The following THSD7B variants were observed in gnomAD, a reference collection of about 807,000 sequenced individuals.
THSD7B encodes thrombospondin type 1 domain containing 7B, also known as thrombospondin type-1 domain-containing protein 7B.
A neutral mutation model predicts 213.6 loss-of-function variants in THSD7B; 138 were observed. The ratio of observed to expected loss-of-function variants is 0.65; its 90% CI spans 0.56 to 0.74. The LOEUF is 0.74. Among genes scored for constraint, THSD7B ranks in the 30% least tolerant of loss-of-function variants. THSD7B has a pLI of 0.00. For missense variants in THSD7B, 1,931 were observed against 1,991.5 expected (o/e 0.97, Z 0.58); for synonymous variants, 742 against 687.0 (o/e 1.08, Z -1.25).
At chr2:136,838,744 G>T (rs917151326) in intron 1 of THSD7B, among the ~76,000 whole-genome samples, 17 of 152,036 alleles carry the variant, frequency 1.1e-4, no homozygotes, top group African/African-American at 4.1e-4. Flanking sequence ...TGACCCTGAG[G>T]GTCTGGCACT....
chr2:137,513,426 T>C (rs565343831), intron 15 of THSD7B, among the ~76,000 whole-genome samples: 43 of 152,166 alleles, frequency 2.8e-4, no homozygotes, highest in Non-Finnish European at 4.7e-4. Flanking sequence ...AAATCTAGGC[T>C]TGATCAATGA....
At chr2:136,967,714 CTCTT>C (rs1467765650) in intron 2 of THSD7B, among the ~76,000 whole-genome samples, 1 of 152,200 alleles carries the variant, frequency 6.6e-6, no homozygotes, top group Non-Finnish European at 1.5e-5. Flanking sequence ...CCCAATGTGT[CTCTT>C]TCTTATCACA....
At chr2:137,226,166 G>A (rs1352276667) in intron 7 of THSD7B, among the ~76,000 whole-genome samples, 5 of 151,696 alleles carry the variant, frequency 3.3e-5, no homozygotes, top group Non-Finnish European at 5.9e-5. Flanking sequence ...GACATGTAGA[G>A]TATTTTCGAT....
intron 7 of THSD7B, among the ~76,000 whole-genome samples, chr2:137,220,849 A>C (rs1681350862): frequency 6.6e-6 from 1 of 152,242 alleles, no homozygotes; most frequent in Admixed American, 6.5e-5. Context: ...GCAACAAAAA[A>C]GAATGACTAA....
At chr2:137,172,821 C>T (rs4954476) in intron 7 of THSD7B, among the ~76,000 whole-genome samples, 37,689 of 152,020 alleles carry the variant, frequency 0.25, 5,868 homozygotes, top group East Asian at 0.72. Flanking sequence ...AATGCTAACT[C>T]CAAATAGATA....
rs567733188 is a variant in THSD7B, at chr2:137,048,462, A to G, written c.140-7958A>G. Among the ~76,000 whole-genome samples, 69 of 152,322 alleles carry G rather than the reference A, an allele frequency of 4.5e-4. 1 individual carries two copies. Among genetic ancestry groups the G allele is most frequent in the African/African-American group, 1.7e-3 (69 of 41,574 alleles). On this transcript the variant is annotated intron_variant, in intron 2 of 27. Transcript: ENST00000409968. ...TGAATATCTGCTACTAGAAAGAGAT[A>G]TGGGTTCAGGTACAAATATACTCCA...
chr2:137,574,191 C>T (rs1362801762), intron 17 of THSD7B, among the ~76,000 whole-genome samples: 1 of 152,072 alleles, frequency 6.6e-6, no homozygotes, highest in Admixed American at 6.6e-5. Context: ...TATCTGGCCA[C>T]TGGGCTAAAA....
chr2:136,890,643 G>A (rs1683835248), intron 2 of THSD7B, among the ~76,000 whole-genome samples: 1 of 147,036 alleles, frequency 6.8e-6, no homozygotes, highest in Non-Finnish European at 1.5e-5. Flanking sequence ...GGGTTCAAGC[G>A]ATTCTTCCGC....
intron 12 of THSD7B, among the ~76,000 whole-genome samples, chr2:137,311,770 G>T (rs1355537273): frequency 2.7e-5 from 4 of 150,782 alleles, no homozygotes; most frequent in African/African-American, 9.8e-5. Flanking sequence ...TAATCATGTG[G>T]TTTTTGTCTT....
intron 1 of THSD7B, among the ~76,000 whole-genome samples, chr2:136,795,357 T>G (rs927506595): frequency 1.3e-5 from 2 of 151,954 alleles, no homozygotes. Flanking sequence ...ATCCACCTGA[T>G]GCTGACTCTC....
chr2:137,578,481 A>G (rs1418902401), intron 17 of THSD7B, among the ~76,000 whole-genome samples: 1 of 152,182 alleles, frequency 6.6e-6, no homozygotes, highest in African/African-American at 2.4e-5. Context: ...CTCTGAGACC[A>G]TTTGTTAATG....
intron 14 of THSD7B, among the ~76,000 whole-genome samples, chr2:137,412,405 A>G (rs1686679251): frequency 6.6e-6 from 1 of 152,030 alleles, no homozygotes; most frequent in African/African-American, 2.4e-5. Context: ...GTTTAAGACC[A>G]GCCTGACCAA....
rs770427102 is a variant in THSD7B, at chr2:137,160,356, CAGGGGAAAAA to C, written c.1517_1525+1del. 6.2e-7 allele frequency: 1 copy of C among 1,611,032 alleles called. No homozygotes were observed. Among genetic ancestry groups the C allele is most frequent in the Non-Finnish European group, 8.5e-7 (1 of 1,178,844 alleles). On this transcript the variant is annotated frameshift_variant and splice_region_variant, in exon 6 of 28. Transcript: ENST00000409968. LOFTEE classifies it high-confidence loss of function. ...CATCCATGAAAACTGTCATGATCCT[CAGGGGAAAAA>C]AGGTGAGTGCCTTGTTTGCATGCGC...
intron 2 of THSD7B, among the ~76,000 whole-genome samples, chr2:137,008,415 G>T (rs1322213464): frequency 2.0e-5 from 3 of 151,978 alleles, no homozygotes; most frequent in African/African-American, 7.2e-5. Context: ...CAACCCTAAG[G>T]GTGCATTGTG....
chr2:137,609,829 A>T (rs1394774843), intron 17 of THSD7B, among the ~76,000 whole-genome samples: 1 of 152,178 alleles, frequency 6.6e-6, no homozygotes, highest in Non-Finnish European at 1.5e-5. Flanking sequence ...TTATAATCTA[A>T]GTGAAGAGTG....
Position 137,104,785 on chromosome 2 carries a change from C to T in THSD7B, c.1199+9664C>T, listed in dbSNP as rs192075739. 6.6e-5 allele frequency among the ~76,000 whole-genome samples: 10 copies of T among 152,172 alleles called. No homozygotes were observed. In the East Asian group the frequency reaches 1.2e-3, roughly 18 times the overall value. ...CCAGAGAATACTATGAACATCTGTA[C>T]GCAAATAAACTAAAAAATCTACAAG... On this transcript the variant is annotated intron_variant, in intron 4 of 27. Coordinates refer to ENST00000409968, the MANE Select transcript of THSD7B (RefSeq NM_001316349.2).
At chr2:137,039,288 A>G (rs1686834486) in intron 2 of THSD7B, among the ~76,000 whole-genome samples, 1 of 152,128 alleles carries the variant, frequency 6.6e-6, no homozygotes, top group Non-Finnish European at 1.5e-5. Flanking sequence ...AAAGTCACCC[A>G]TTTCCAGGGA....
At chr2:137,478,681 CAG>C (rs1558809743) in intron 15 of THSD7B, among the ~76,000 whole-genome samples, 1 of 152,124 alleles carries the variant, frequency 6.6e-6, no homozygotes, top group East Asian at 1.9e-4. Flanking sequence ...TGTAGTGTAA[CAG>C]TCACTTCTTC....
rs544598462 is a variant in THSD7B at position 137,441,967 on chromosome 2, A to ATGTCACTT, written c.2960-8876_2960-8869dup. On this transcript the variant is annotated intron_variant, in intron 14 of 27. Transcript: ENST00000409968. ...CTTTTAGTAGCAGTAAAATGTTAGT[A>ATGTCACTT]TGTCACTTTCATCATATATTAATTA... is the stretch of plus-strand genomic sequence containing the variant. 1.2e-4 allele frequency among the ~76,000 whole-genome samples: 19 copies of ATGTCACTT among 152,184 alleles called. No homozygotes were observed. The East Asian group carries it at 2.5e-3, about 20-fold the overall frequency.
Sources: gnomAD v4.1 joint callset for allele counts (sites outside exome capture counted in the v4.1 genomes callset) on GRCh38, gnomAD v4.1.1 for gene constraint, MANE v1.5 for transcripts, NCBI Gene and HGNC (gene_info 2026-07-23, HGNC 2026-07-21) for gene names.